PCDHGA1: variants seen among roughly 807,000 people sequenced by gnomAD.
PCDHGA1 encodes the protein protocadherin gamma-A1.
PCDHGA1 carries 32 observed loss-of-function variants against 58.0 expected under a neutral mutation model. That is an observed-to-expected ratio of 0.55 (90% CI 0.42 to 0.74). PCDHGA1 has a LOEUF of 0.74. Among genes scored for constraint, PCDHGA1 ranks in the 30% least tolerant of loss-of-function variants. The pLI is 0.00. For synonymous variants in PCDHGA1, 498 were observed against 501.1 expected, an observed-to-expected ratio of 0.99 and a Z score of 0.08; for missense variants, 1,205 against 1,182.3, an observed-to-expected ratio of 1.02 and a Z score of -0.28.
At chr5:141,394,188 G>A (rs772537455) in intron 1 of PCDHGA1, 1 of 1,613,828 alleles carries the variant, frequency 6.2e-7, no homozygotes, top group Non-Finnish European at 8.5e-7. Flanking sequence ...CTCCTACTCA[G>A]CGTATATCCT....
intron 1 of PCDHGA1, chr5:141,365,741 A>C: frequency 1.2e-6 from 2 of 1,613,506 alleles, no homozygotes; most frequent in African/African-American, 1.3e-5. Context: ...AGGTGTCTCT[A>C]TCTTCTCTGT....
At chr5:141,386,183 A>G (rs201653759) in intron 1 of PCDHGA1, among the ~76,000 whole-genome samples, 1 of 152,230 alleles carries the variant, frequency 6.6e-6, no homozygotes, top group East Asian at 1.9e-4. Context: ...CATCTTATGT[A>G]CACAGATCCT....
intron 1 of PCDHGA1, chr5:141,412,207 C>T (rs529672287): frequency 1.1e-3 from 173 of 152,330 alleles, no homozygotes; most frequent in African/African-American, 4.1e-3. Flanking sequence ...GGTCATTTGA[C>T]ATAAACACTT....
intron 1 of PCDHGA1, chr5:141,343,290 A>G: frequency 1.0e-6 from 1 of 967,064 alleles, no homozygotes; most frequent in South Asian, 4.8e-5. Flanking sequence ...AAGAAATATA[A>G]TGTATAAATA....
chr5:141,409,907 C>T (rs1370065492), intron 1 of PCDHGA1: 1 of 1,613,294 alleles, frequency 6.2e-7, no homozygotes, highest in East Asian at 2.2e-5. Flanking sequence ...AGCTCTGGGT[C>T]CTGACGGCTC....
At chr5:141,362,149 T>G (rs759063405) in intron 1 of PCDHGA1, 2 of 1,614,036 alleles carry the variant, frequency 1.2e-6, no homozygotes, top group South Asian at 2.2e-5. Flanking sequence ...GCAAGAGGTA[T>G]TGCCAGACCT....
In PCDHGA1 at chr5:141,490,376, C is replaced by T. The variant is rs761956816; in HGVS notation, c.2422-4431C>T. 2 of 1,614,184 alleles carry T rather than the reference C, an allele frequency of 1.2e-6. No individual in the cohort carries two copies. The highest frequency in any genetic ancestry group is 1.7e-6 in the Non-Finnish European group (2 of 1,180,036). ...TTGTTTAATGTGCGAGACCGGGACT[C>T]AGGTAGAAATGGTGAAGTGAGCCTT... is the stretch of plus-strand genomic sequence containing the variant. On this transcript the variant is annotated intron_variant, in intron 1 of 3. Transcript: ENST00000517417. The surrounding 1 kb of genome is among the most constrained non-coding windows in gnomAD (Gnocchi z 5.4).
At chr5:141,459,693 C>A (rs1014443574) in intron 1 of PCDHGA1, among the ~76,000 whole-genome samples, 1 of 152,210 alleles carries the variant, frequency 6.6e-6, no homozygotes, top group African/African-American at 2.4e-5. Flanking sequence ...AAGCGTTCCG[C>A]TTGCTACATT....
At chr5:141,366,741 G>C (rs772947820) in intron 1 of PCDHGA1, 1 of 1,611,828 alleles carries the variant, frequency 6.2e-7, no homozygotes, top group Non-Finnish European at 8.5e-7. Context: ...AAAGAAGAAC[G>C]GCGAGTTCAG....
At chr5:141,465,466 C>T (rs1280373152) in intron 1 of PCDHGA1, among the ~76,000 whole-genome samples, 1 of 152,156 alleles carries the variant, frequency 6.6e-6, no homozygotes, top group African/African-American at 2.4e-5. Flanking sequence ...ACCAAATTGC[C>T]CTTGCTTCAT....
chr5:141,348,499 A>G (rs187929904), intron 1 of PCDHGA1, among the ~76,000 whole-genome samples: 1 of 152,220 alleles, frequency 6.6e-6, no homozygotes, highest in Admixed American at 6.5e-5. Flanking sequence ...AAAAAAATTA[A>G]TTAGCTGTGT....
chr5:141,419,264 G>T (rs2096351955), intron 1 of PCDHGA1: 1 of 1,614,036 alleles, frequency 6.2e-7, no homozygotes, highest in Non-Finnish European at 8.5e-7. Context: ...CCAGCCGGGT[G>T]CCTCCATAGC....
In PCDHGA1 at chr5:141,432,361, G is replaced by A; in HGVS notation, c.2422-62446G>A. 1 of 1,614,230 alleles carries A rather than the reference G, an allele frequency of 6.2e-7. No individual in the cohort carries two copies. Among genetic ancestry groups the A allele is most frequent in the Non-Finnish European group, 8.5e-7 (1 of 1,180,050 alleles). On this transcript the variant is annotated intron_variant, in intron 1 of 3. Coordinates refer to ENST00000517417, the MANE Select transcript of PCDHGA1 (RefSeq NM_018912.3). The surrounding 1 kb of genome is among the most constrained non-coding windows in gnomAD (Gnocchi z 6.0). Reference sequence around the variant, plus strand: ...GAGACTTGCAAGTGAAAGTGATGGCGCGGGACAACGGGCACCCGCCCCTCA... The same window carrying A: ...GAGACTTGCAAGTGAAAGTGATGGCACGGGACAACGGGCACCCGCCCCTCA...
chr5:141,431,660 A>G lies in PCDHGA1; in HGVS notation c.2422-63147A>G. On this transcript the variant is annotated intron_variant, in intron 1 of 3. Transcript: ENST00000517417. This position sits in a 1 kb window ranked among gnomAD's most constrained non-coding sequence, Gnocchi z 4.8. ...CAAACTAGATTGTAATTCAGGGACA[A>G]TATCAACAATAGGGGAGTTGGACCA... 7 of 1,614,256 alleles carry G rather than the reference A, an allele frequency of 4.3e-6. No individual in the cohort carries two copies. The highest frequency in any genetic ancestry group is 5.1e-6 in the Non-Finnish European group (6 of 1,180,046).
At chr5:141,371,573 A>G in intron 1 of PCDHGA1, 1 of 1,613,948 alleles carries the variant, frequency 6.2e-7, no homozygotes, top group Non-Finnish European at 8.5e-7. Flanking sequence ...TCCCCTTTAA[A>G]ATCGTTCAAG....
At chr5:141,454,811 T>TTTTTA (rs1284435092) in intron 1 of PCDHGA1, among the ~76,000 whole-genome samples, 4 of 125,862 alleles carry the variant, frequency 3.2e-5, no homozygotes, top group African/African-American at 1.3e-4. Context: ...TTTTTTTTTT[T>TTTTTA]TTTTTTTTTT....
At position 141,471,885 on chromosome 5, in the gene PCDHGA1, A is replaced by G. The variant is rs180968509; in HGVS notation, c.2422-22922A>G. ...ACTGTGGTTGCCTGAGGCTGAAGCT[A>G]GGAAGATTGACTACAGACAAGCATG... On this transcript the variant is annotated intron_variant, in intron 1 of 3. Transcript: ENST00000517417. Among the ~76,000 whole-genome samples the G allele has an allele frequency of 1.9e-3, 294 of 152,338 alleles. 1 individual carries two copies. Among genetic ancestry groups the G allele is most frequent in the Middle Eastern group, 0.017 (5 of 294 alleles).
intron 2 of PCDHGA1, among the ~76,000 whole-genome samples, chr5:141,496,592 T>G (rs948403662): frequency 6.6e-6 from 1 of 152,136 alleles, no homozygotes; most frequent in African/African-American, 2.4e-5. Context: ...GCAAAGCGCT[T>G]CTTAGAAGGC....
In PCDHGA1 at chr5:141,477,551, C is replaced by T. The variant is rs372055994; in HGVS notation, c.2422-17256C>T. ...CCTCCCCGGGGCTCCAATACTAAAC[C>T]TAAGTGTCTGGGACCCCGACGCCCC... On this transcript the variant is annotated intron_variant, in intron 1 of 3. Coordinates refer to ENST00000517417, the MANE Select transcript of PCDHGA1 (RefSeq NM_018912.3). The surrounding 1 kb of genome is among the most constrained non-coding windows in gnomAD (Gnocchi z 4.9). The T allele has an allele frequency of 8.1e-6, 13 of 1,614,060 alleles. No homozygotes were observed. Among genetic ancestry groups the T allele is most frequent in the Non-Finnish European group, 1.0e-5 (12 of 1,180,042 alleles).
Sources: gnomAD v4.1 joint callset for allele counts (sites outside exome capture counted in the v4.1 genomes callset) on GRCh38, gnomAD v4.1.1 for gene constraint, Gnocchi (gnomAD v3.1) non-coding constraint, MANE v1.5 for transcripts, NCBI Gene and HGNC (gene_info 2026-07-23, HGNC 2026-07-21) for gene names.